The following SUCLG2 variants were observed in gnomAD, a reference collection of about 807,000 sequenced individuals.
SUCLG2 encodes succinate-CoA ligase GDP-forming subunit beta, also known as succinate--CoA ligase [GDP-forming] subunit beta, mitochondrial.
SUCLG2 carries 42 observed loss-of-function variants against 47.9 expected under a neutral mutation model. The observed-to-expected ratio is 0.88, with a 90% CI of 0.69 to 1.14. SUCLG2 has a LOEUF of 1.14. Ranked by LOEUF, SUCLG2 falls within the 50% of genes most tolerant of loss-of-function variation. The pLI is 0.00. For synonymous variants in SUCLG2, 195 were observed against 197.3 expected, an observed-to-expected ratio of 0.99 and a Z score of 0.10; for missense variants, 571 against 525.9, an observed-to-expected ratio of 1.09 and a Z score of -0.84.
At chr3:67,567,999 G>A (rs1259021014) in intron 2 of SUCLG2, among the ~76,000 whole-genome samples, 2 of 152,158 alleles carry the variant, frequency 1.3e-5, no homozygotes, top group Non-Finnish European at 2.9e-5. Context: ...TCTTAAGAAT[G>A]GCTGCACAAA....
At chr3:67,614,914 T>A (rs932479002) in intron 1 of SUCLG2, among the ~76,000 whole-genome samples, 2 of 152,156 alleles carry the variant, frequency 1.3e-5, no homozygotes, top group Non-Finnish European at 2.9e-5. Flanking sequence ...GTGACCGTGA[T>A]AGGAACAGCA....
rs1211518910 is a variant in SUCLG2 at position 67,588,114 on chromosome 3, A to G, written c.226+21341T>C. Reference sequence around the variant, plus strand: ...CAATGAACCTTGTCTAAGATTTCCAATATTATGCATAAAAATGAAAATATC... The same window carrying G: ...CAATGAACCTTGTCTAAGATTTCCAGTATTATGCATAAAAATGAAAATATC... On this transcript the variant is annotated intron_variant, in intron 2 of 10. Coordinates refer to ENST00000307227, the MANE Select transcript of SUCLG2 (RefSeq NM_003848.4). Among the ~76,000 whole-genome samples the G allele has an allele frequency of 3.3e-5, 5 of 152,234 alleles. No homozygotes were observed. The South Asian group carries it at 6.2e-4, about 19-fold the overall frequency.
intron 7 of SUCLG2, 112 bp downstream of exon 7, chr3:67,508,695 T>C (rs1705706041): frequency 2.5e-6 from 2 of 802,814 alleles, no homozygotes; most frequent in Non-Finnish European, 3.9e-6. Flanking sequence ...AGAAATTAAA[T>C]TACTGAAAGA....
At chr3:67,616,339 G>C (rs1006251840) in intron 1 of SUCLG2, among the ~76,000 whole-genome samples, 2 of 152,088 alleles carry the variant, frequency 1.3e-5, no homozygotes, top group Non-Finnish European at 2.9e-5. Context: ...AAGACTAAAA[G>C]AAACCAGCAA....
At chr3:67,580,983 A>G (rs1341549323) in intron 2 of SUCLG2, among the ~76,000 whole-genome samples, 1 of 152,220 alleles carries the variant, frequency 6.6e-6, no homozygotes, top group Non-Finnish European at 1.5e-5. Context: ...ACCTGTATCT[A>G]TTAAGAATTG....
chr3:67,501,010 C>A (rs555874842), intron 7 of SUCLG2, among the ~76,000 whole-genome samples: 1 of 152,132 alleles, frequency 6.6e-6, no homozygotes, highest in Non-Finnish European at 1.5e-5. Context: ...TGTGGTATGA[C>A]GTTCTCTCCA....
chr3:67,518,511 A>G (rs1439769894), intron 5 of SUCLG2, among the ~76,000 whole-genome samples, 175 bp from the exon 6 acceptor site: 2 of 152,232 alleles, frequency 1.3e-5, no homozygotes, highest in East Asian at 3.8e-4. Flanking sequence ...TAATTAGCAG[A>G]CCATCTATAA....
intron 1 of SUCLG2, among the ~76,000 whole-genome samples, chr3:67,621,923 T>G (rs1700742921): frequency 1.3e-5 from 2 of 152,244 alleles, no homozygotes; most frequent in South Asian, 2.1e-4. Flanking sequence ...TTGACATTTC[T>G]GCACATCATT....
At chr3:67,429,387 G>A (rs922508245) in intron 9 of SUCLG2, among the ~76,000 whole-genome samples, 10 of 152,040 alleles carry the variant, frequency 6.6e-5, no homozygotes, top group East Asian at 1.9e-4. Context: ...AATCCTTTAC[G>A]GGCAAGCAAA....
At chr3:67,437,748 T>A (rs1036766971) in intron 9 of SUCLG2, among the ~76,000 whole-genome samples, 1 of 152,114 alleles carries the variant, frequency 6.6e-6, no homozygotes, top group Non-Finnish European at 1.5e-5. Flanking sequence ...GAACGTAAAG[T>A]TCTTAAGAGA....
intron 2 of SUCLG2, among the ~76,000 whole-genome samples, chr3:67,587,258 ATATT>A (rs1232277794): frequency 6.6e-6 from 1 of 152,216 alleles, no homozygotes; most frequent in African/African-American, 2.4e-5. Flanking sequence ...CATCTTAAAA[ATATT>A]TAAGCTTCCC....
chr3:67,647,516 T>A (rs1027137631), intron 1 of SUCLG2, among the ~76,000 whole-genome samples: 1 of 152,238 alleles, frequency 6.6e-6, no homozygotes, highest in Admixed American at 6.5e-5. Context: ...GGGCAGTAGT[T>A]TGTGCTAAGC....
chr3:67,495,173 G>A (rs966806165), intron 9 of SUCLG2, among the ~76,000 whole-genome samples: 2 of 152,102 alleles, frequency 1.3e-5, no homozygotes, highest in African/African-American at 4.8e-5. Context: ...AATCATGTAA[G>A]CATAGGACCA....
chr3:67,615,621 A>AACACACACAC (rs60992383), intron 1 of SUCLG2, among the ~76,000 whole-genome samples: 24,565 of 141,952 alleles, frequency 0.17, 2,215 homozygotes, highest in Non-Finnish European at 0.21. Context: ...CACAAACACA[A>AACACACACAC]ACACACACAC....
chr3:67,594,379 C>T (rs1177182967), intron 2 of SUCLG2, among the ~76,000 whole-genome samples: 6 of 152,196 alleles, frequency 3.9e-5, no homozygotes, highest in Admixed American at 6.5e-5. Flanking sequence ...TCATTCTCAC[C>T]GATCCCCTTT....
chr3:67,552,911 T>C lies in SUCLG2; in HGVS notation c.227-23725A>G, dbSNP rs57640713. Reference sequence around the variant, plus strand: ...CATCTTTCTTTAAAAAATGCAACTGTTGTCTGAACACCTGTTAGGTGATAA... The same window carrying C: ...CATCTTTCTTTAAAAAATGCAACTGCTGTCTGAACACCTGTTAGGTGATAA... On this transcript the variant is annotated intron_variant, in intron 2 of 10. Coordinates refer to ENST00000307227, the MANE Select transcript of SUCLG2 (RefSeq NM_003848.4). Among the ~76,000 whole-genome samples the C allele has an allele frequency of 1.5e-3, 228 of 152,346 alleles. 1 individual carries two copies. Among genetic ancestry groups the C allele is most frequent in the African/African-American group, 5.1e-3 (213 of 41,592 alleles).
chr3:67,529,714 G>T (rs78242749), intron 2 of SUCLG2, among the ~76,000 whole-genome samples: 4,610 of 152,298 alleles, frequency 0.03, 155 homozygotes, highest in East Asian at 0.17. Flanking sequence ...GGTTGGGAAA[G>T]GGAGGAGGAA....
At chr3:67,458,581 T>C (rs766920963) in intron 9 of SUCLG2, among the ~76,000 whole-genome samples, 5 of 152,166 alleles carry the variant, frequency 3.3e-5, no homozygotes, top group Non-Finnish European at 7.3e-5. Flanking sequence ...GCTCTGAAAT[T>C]CCATGACTCT....
intron 6 of SUCLG2, chr3:67,513,990 C>T: frequency 3.6e-6 from 1 of 276,346 alleles, no homozygotes. Flanking sequence ...CACCCTCGAC[C>T]CTCTACCCAG....
Sources: gnomAD v4.1 joint callset for allele counts (sites outside exome capture counted in the v4.1 genomes callset) on GRCh38, gnomAD v4.1.1 for gene constraint, MANE v1.5 for transcripts, NCBI Gene and HGNC (gene_info 2026-07-23, HGNC 2026-07-21) for gene names.